Variants in TCEA1 observed in about 807,000 individuals in gnomAD.
TCEA1 encodes transcription elongation factor A protein 1.
In TCEA1, 21 loss-of-function variants were observed where a neutral mutation model predicts 43.8. The observed-to-expected ratio is 0.48, with a 90% confidence interval of 0.34 to 0.69. The LOEUF (loss-of-function observed/expected upper bound fraction) is 0.69. Among genes scored for constraint, TCEA1 ranks in the 30% least tolerant of loss-of-function variants. The pLI, the probability that TCEA1 is intolerant of heterozygous loss-of-function variation, is 0.01. For synonymous variants in TCEA1, 104 were observed against 117.5 expected, an observed-to-expected ratio of 0.88 and a Z score of 0.75; for missense variants, 250 against 365.1, an observed-to-expected ratio of 0.68 and a Z score of 2.57.
At chr8:53,972,214 G>A in intron 8 of TCEA1, 1 of 337,026 alleles carries the variant, frequency 3.0e-6, no homozygotes, top group Non-Finnish European at 5.7e-6. Flanking sequence ...GAAAGTGTTA[G>A]TAAAACAGGA....
intron 1 of TCEA1, among the ~76,000 whole-genome samples, chr8:54,012,514 G>A (rs966911129): frequency 1.3e-5 from 2 of 152,108 alleles, no homozygotes; most frequent in Non-Finnish European, 2.9e-5. Context: ...AGCCGAGATC[G>A]CGCCACTGCA....
At position 53,977,133 on chromosome 8, in the gene TCEA1, C is replaced by T. The variant is rs1208647991; in HGVS notation, c.825+1892G>A. ...AGGAGATCGAGACCACCCTGGCTAA[C>T]ACAGTGAAACCCCGTCTCTACTAAA... On this transcript the variant is annotated intron_variant, in intron 8 of 9. Transcript: ENST00000521604. Among the ~76,000 whole-genome samples the T allele has an allele frequency of 2.0e-5, 3 of 152,272 alleles. No individual in the cohort carries two copies. In the East Asian group the frequency reaches 5.8e-4, roughly 29 times the overall value.
chr8:53,968,251 A>C (rs1244190242), intron 9 of TCEA1, 139 bp from the exon 10 acceptor site: 1 of 604,180 alleles, frequency 1.7e-6, no homozygotes, highest in African/African-American at 1.8e-5. Context: ...CACACATAAT[A>C]ATCACCTATC....
intron 1 of TCEA1, among the ~76,000 whole-genome samples, chr8:54,012,261 C>T (rs915267504): frequency 6.6e-6 from 1 of 152,154 alleles, no homozygotes; most frequent in East Asian, 1.9e-4. Flanking sequence ...ACTATTACAA[C>T]TGACTACAGA....
At chr8:54,013,968 CAGT>C (rs1375032074) in intron 1 of TCEA1, among the ~76,000 whole-genome samples, 1 of 152,074 alleles carries the variant, frequency 6.6e-6, no homozygotes, top group Admixed American at 6.6e-5. Flanking sequence ...AGATCTACTC[CAGT>C]AATGTCAAAT....
chr8:53,992,036 G>A lies in TCEA1; in HGVS notation c.320+1632C>T, dbSNP rs540036697. Among the ~76,000 whole-genome samples the A allele has an allele frequency of 2.6e-3, 401 of 152,280 alleles. 2 individuals carry two copies. The highest frequency in any genetic ancestry group is 0.024 in the Middle Eastern group (7 of 294). On this transcript the variant is annotated intron_variant, in intron 4 of 9. Coordinates refer to ENST00000521604, the MANE Select transcript of TCEA1 (RefSeq NM_006756.4). ...TCCTAAATACCTCAACACGGGCTGGGTGCAGTGGCTTACGCCTATAATCCC... is the reference window on the plus strand; with the variant it reads ...TCCTAAATACCTCAACACGGGCTGGATGCAGTGGCTTACGCCTATAATCCC...
At chr8:53,984,887 A>C (rs1055119457) in intron 6 of TCEA1, among the ~76,000 whole-genome samples, 3 of 152,166 alleles carry the variant, frequency 2.0e-5, no homozygotes, top group African/African-American at 4.8e-5. Context: ...ATCTTAAAAA[A>C]AAAAACAAAC....
intron 8 of TCEA1, among the ~76,000 whole-genome samples, chr8:53,974,815 C>T (rs1249512076): frequency 6.6e-6 from 1 of 152,110 alleles, no homozygotes; most frequent in Admixed American, 6.6e-5. Context: ...CAGATGTGAG[C>T]CACCGCACCC....
chr8:53,988,238 G>C lies in TCEA1; in HGVS notation c.342C>G (p.Ser114Arg), dbSNP rs1381571651. The part of the protein sequence containing the change: ...REESTSSGNV[S>R]NRKDETNARD... ...GAGCATTTGTCTCATCCTTTCTGTT[G>C]CTTACATTGCCGCTGGAAGTACTGA... Residue 114 changes from serine (S) to arginine (R), a missense_variant, in exon 5 of 10, where the codon AGC becomes AGG. Ser to Arg is a moderately radical substitution (Grantham distance 110, BLOSUM62 -1). This residue lies in a region of TCEA1 where 147 missense variants were observed against 160.3 expected (regional missense o/e 0.92). Coordinates refer to ENST00000521604, the MANE Select transcript of TCEA1 (RefSeq NM_006756.4). 1.2e-6 allele frequency: 2 copies of C among 1,613,382 alleles called. No homozygotes were observed. Among genetic ancestry groups the C allele is most frequent in the Non-Finnish European group, 8.5e-7 (1 of 1,179,676 alleles).
At position 53,989,355 on chromosome 8, in the gene TCEA1, C is replaced by T. The variant is rs533615641; in HGVS notation, c.321-1096G>A. Among the ~76,000 whole-genome samples, 7 of 152,294 alleles carry T rather than the reference C, an allele frequency of 4.6e-5. No individual in the cohort carries two copies. The East Asian group carries it at 1.4e-3, about 29-fold the overall frequency. On this transcript the variant is annotated intron_variant, in intron 4 of 9. Transcript: ENST00000521604. ...CAATTAAGCTTTATCACATTGAAAA[C>T]AGCTGCCATAACCCTTTTCAAAGAC...
In TCEA1 at chr8:53,967,884, A is replaced by T. The variant is rs1003838392; in HGVS notation, c.*220T>A. On this transcript the variant is annotated 3_prime_UTR_variant, in exon 10 of 10. Transcript: ENST00000521604. ...CAACTTACTTATAAAAACAGAAAAA[A>T]TATGTTTTGAAACAGGTACCATAAA... The T allele has an allele frequency of 5.9e-5, 25 of 420,814 alleles. No homozygotes were observed. Among genetic ancestry groups the T allele is most frequent in the African/African-American group, 4.6e-4 (23 of 49,930 alleles). 26.1% of individuals were successfully genotyped at this position (420,814 alleles called of 1,614,324 possible).
At chr8:54,000,359 T>C (rs1337740574) in intron 2 of TCEA1, among the ~76,000 whole-genome samples, 2 of 152,312 alleles carry the variant, frequency 1.3e-5, no homozygotes, top group Middle Eastern at 3.4e-3. Flanking sequence ...GGATAAAATA[T>C]ATAATGTTGT....
chr8:53,999,172 C>A (rs1347983124), intron 3 of TCEA1, among the ~76,000 whole-genome samples: 1 of 146,514 alleles, frequency 6.8e-6, no homozygotes, highest in Non-Finnish European at 1.5e-5. Flanking sequence ...TTGCAGTGAG[C>A]CGAGATTGCA....
At chr8:54,002,998 A>G (rs1457849356) in intron 2 of TCEA1, 1 of 456,192 alleles carries the variant, frequency 2.2e-6, no homozygotes, top group African/African-American at 2.0e-5. Flanking sequence ...TTAACATCAC[A>G]GGAAACAAGC....
intron 1 of TCEA1, among the ~76,000 whole-genome samples, chr8:54,019,466 A>C (rs1346804927): frequency 6.6e-6 from 1 of 151,472 alleles, no homozygotes; most frequent in African/African-American, 2.4e-5. Context: ...GCTTCTAGGG[A>C]GGCTGAGGCA....
At chr8:53,983,725 A>G (rs1372024589) in intron 7 of TCEA1, among the ~76,000 whole-genome samples, 1 of 152,266 alleles carries the variant, frequency 6.6e-6, no homozygotes, top group African/African-American at 2.4e-5. Flanking sequence ...GTTTAACCAC[A>G]AAAAAGGTTA....
intron 8 of TCEA1, 22 bp from the exon 9 acceptor site, chr8:53,970,485 T>C: frequency 6.5e-7 from 1 of 1,531,026 alleles, no homozygotes; most frequent in Non-Finnish European, 9.0e-7. Context: ...TTAAATTAAA[T>C]GTACTTTTTG....
chr8:53,999,802 G>A (rs1291595821), intron 3 of TCEA1, 143 bp downstream of exon 3: 18 of 610,290 alleles, frequency 2.9e-5, no homozygotes, highest in East Asian at 1.2e-4. Flanking sequence ...AACTCCCCTC[G>A]CCTTTATTAC....
intron 2 of TCEA1, chr8:54,003,048 C>T (rs1804321343): frequency 1.5e-5 from 7 of 456,244 alleles, no homozygotes; most frequent in Non-Finnish European, 2.6e-5. Context: ...CCTTTGTGAT[C>T]ACTCATGAGT....
Sources: allele counts gnomAD v4.1 joint callset (sites outside exome capture counted in the v4.1 genomes callset), GRCh38; gene constraint gnomAD v4.1.1; regional missense constraint gnomAD v4.1.1; transcripts MANE v1.5; gene names NCBI Gene and HGNC (gene_info 2026-07-23, HGNC 2026-07-21).